Variants in NPHP4 observed in about 807,000 individuals in gnomAD.
NPHP4 encodes nephrocystin 4.
NPHP4 carries 151 observed loss-of-function variants against 155.8 expected under a neutral mutation model. The ratio of observed to expected loss-of-function variants is 0.97; its 90% CI spans 0.85 to 1.11. The LOEUF (loss-of-function observed/expected upper bound fraction) is 1.11. NPHP4 is among the 50% of genes least tolerant of loss of function. The pLI, the probability that NPHP4 is intolerant of heterozygous loss-of-function variation, is 0.00. For synonymous variants in NPHP4, 845 were observed against 816.8 expected, an observed-to-expected ratio of 1.03 and a Z score of -0.59; for missense variants, 1,956 against 1,925.7, an observed-to-expected ratio of 1.02 and a Z score of -0.29.
At position 5,877,303 on chromosome 1, in the gene NPHP4, G is replaced by GA; in HGVS notation, c.2612-6dup. ...GTGCTTGCACCACGTGTTTTCCTGC[G>GA]AAAGGGTCAGAGCGCGAGTCAGGTA... is the stretch of plus-strand genomic sequence containing the variant. On this transcript the variant is annotated splice_polypyrimidine_tract_variant and splice_region_variant and intron_variant, in intron 19 of 29. Transcript: ENST00000378156. The GA allele has an allele frequency of 1.3e-6, 2 of 1,586,120 alleles. No individual in the cohort carries two copies. The highest frequency in any genetic ancestry group is 1.7e-6 in the Non-Finnish European group (2 of 1,159,728).
chr1:5,930,928 C>T (rs1374208423), intron 10 of NPHP4, among the ~76,000 whole-genome samples: 1 of 152,118 alleles, frequency 6.6e-6, no homozygotes, highest in Non-Finnish European at 1.5e-5. Flanking sequence ...TCAGTTTTTG[C>T]TTCATGTATT....
In NPHP4 at chr1:5,863,923, C is replaced by T. The variant is rs200569946; in HGVS notation, c.4107G>A (p.Pro1369=). 84 of 1,613,970 alleles carry T rather than the reference C, an allele frequency of 5.2e-5. No homozygotes were observed. In the African/African-American group the frequency reaches 6.7e-4, roughly 13 times the overall value. The change falls in exon 29 of 30, where the codon CCG becomes CCA. Residue 1369 remains proline, a synonymous_variant. Coordinates refer to ENST00000378156, the MANE Select transcript of NPHP4 (RefSeq NM_015102.5). Reference sequence around the variant, plus strand: ...AGTCCTCTCTGAACCGCAGCAGCTCCGGGTGGTCGCTGTGCAGGTGGAATG... The same window carrying T: ...AGTCCTCTCTGAACCGCAGCAGCTCTGGGTGGTCGCTGTGCAGGTGGAATG... ...RRTFHLHSDH[P]ELLRFREDSF...
At chr1:5,869,095 A>C (rs971847999) in intron 23 of NPHP4, among the ~76,000 whole-genome samples, 14 of 143,698 alleles carry the variant, frequency 9.7e-5, no homozygotes, top group African/African-American at 2.6e-4. Flanking sequence ...CCACACATGC[A>C]CACATGCATG....
intron 16 of NPHP4, among the ~76,000 whole-genome samples, chr1:5,904,202 C>G (rs1387418955): frequency 6.6e-6 from 1 of 152,106 alleles, no homozygotes; most frequent in Non-Finnish European, 1.5e-5. Context: ...CCAGTATGGA[C>G]CTTATTTCTG....
intron 5 of NPHP4, among the ~76,000 whole-genome samples, chr1:5,964,692 T>C (rs1264880750): frequency 6.6e-6 from 1 of 151,568 alleles, no homozygotes; most frequent in Non-Finnish European, 1.5e-5. Flanking sequence ...AAAACCTGAC[T>C]ACCTTTTCCA....
At chr1:5,902,343 G>A (rs1045630502) in intron 16 of NPHP4, among the ~76,000 whole-genome samples, 17 of 152,180 alleles carry the variant, frequency 1.1e-4, no homozygotes, top group African/African-American at 3.9e-4. Context: ...CTGCATCAAA[G>A]GCCATCCACA....
rs756672859 is a variant in NPHP4 at position 5,877,159 on chromosome 1, C to T, written c.2751G>A (p.Glu917=). 2 of 1,605,408 alleles carry T rather than the reference C, an allele frequency of 1.2e-6. No individual in the cohort carries two copies. Among genetic ancestry groups the T allele is most frequent in the Non-Finnish European group, 1.7e-6 (2 of 1,174,374 alleles). ...CCTGCAGGCGCACAGACCTCATCCG[C>T]TCCAGCTTACGCCTGCGGGTGGCAT... ...ESDATRRRKL[E]RMRSVRLQEA... Residue 917 remains glutamate (E), a synonymous_variant, in exon 20 of 30, where the codon GAG becomes GAA. Coordinates refer to ENST00000378156, the MANE Select transcript of NPHP4 (RefSeq NM_015102.5).
In NPHP4 at chr1:5,879,344, A is replaced by G. The variant is rs1249570502; in HGVS notation, c.2611+770T>C. 8 of 351,476 alleles carry G rather than the reference A, an allele frequency of 2.3e-5. 1 individual carries two copies. Among genetic ancestry groups the G allele is most frequent in the African/African-American group, 1.7e-4 (8 of 46,722 alleles). The allele number at this position is 351,476 out of a possible 1,614,324, so 21.8% of individuals were successfully genotyped here. On this transcript the variant is annotated intron_variant, in intron 19 of 29. Transcript: ENST00000378156. Reference sequence around the variant, plus strand: ...TTTATACTCAGGTCTGTGAGGCCTTACATTTTAAGGGGATAGAAAAACTTC... The same window carrying G: ...TTTATACTCAGGTCTGTGAGGCCTTGCATTTTAAGGGGATAGAAAAACTTC...
At chr1:5,894,183 C>G (rs1644281327) in intron 16 of NPHP4, among the ~76,000 whole-genome samples, 1 of 152,218 alleles carries the variant, frequency 6.6e-6, no homozygotes, top group South Asian at 2.1e-4. Flanking sequence ...CCACAAAAAA[C>G]TGCACTCCAT....
rs1641289893 is a variant in NPHP4, at chr1:5,866,907, G to A, written c.3558+123C>T. The A allele has an allele frequency of 5.3e-6, 4 of 754,980 alleles. No individual in the cohort carries two copies. The South Asian group carries it at 6.2e-5, about 12-fold the overall frequency. The allele number at this position is 754,980 out of a possible 1,614,324, so 46.8% of individuals were successfully genotyped here. A position where few individuals can be genotyped will look rare whatever the true frequency, so the allele number is the denominator to read the frequency against. On this transcript the variant is annotated intron_variant, in intron 25 of 29. Transcript: ENST00000378156. Reference sequence around the variant, plus strand: ...TCAAAATAGCCCTTTAGTACCTTGGGAAAGAAACCACTTAGCAGAAAACCT... The same window carrying A: ...TCAAAATAGCCCTTTAGTACCTTGGAAAAGAAACCACTTAGCAGAAAACCT...
intron 11 of NPHP4, among the ~76,000 whole-genome samples, chr1:5,925,612 T>G (rs1164941123): frequency 1.3e-5 from 2 of 152,016 alleles, no homozygotes; most frequent in Non-Finnish European, 2.9e-5. Flanking sequence ...GGTTTTTTTT[T>G]GTTTGTTTTG....
intron 1 of NPHP4, among the ~76,000 whole-genome samples, chr1:5,989,229 A>T (rs1370323213): frequency 1.3e-5 from 2 of 152,086 alleles, no homozygotes; most frequent in Non-Finnish European, 2.9e-5. Context: ...GGGAGAGCCG[A>T]CTTTGGACTT....
At chr1:5,974,151 T>C (rs1479984263) in intron 3 of NPHP4, among the ~76,000 whole-genome samples, 2 of 152,336 alleles carry the variant, frequency 1.3e-5, no homozygotes, top group African/African-American at 4.8e-5. Flanking sequence ...CTCATTGCTC[T>C]GACGAGTAAG....
At chr1:5,981,584 G>A (rs1320882910) in intron 2 of NPHP4, among the ~76,000 whole-genome samples, 1 of 152,146 alleles carries the variant, frequency 6.6e-6, no homozygotes, top group Non-Finnish European at 1.5e-5. Flanking sequence ...CTTTCACAGG[G>A]AAGCAAGCTT....
chr1:5,978,290 A>G lies in NPHP4; in HGVS notation c.259T>C (p.Ser87Pro). ...TTVKPTKRPP[S>P]RIVFNEPLYF... ...CCCACCTCATTAAAGACGATCCTGG[A>G]CGGCGGTCTCTTCGTCGGCTTCACT... The change falls in exon 3 of 30, where the codon TCC becomes CCC. Residue 87 changes from serine (S) to proline (P), a missense_variant. Physicochemically the swap from Ser to Pro is moderately conservative, Grantham distance 74. Transcript: ENST00000378156. 6.2e-7 allele frequency: 1 copy of G among 1,608,074 alleles called. No individual in the cohort carries two copies. Among genetic ancestry groups the G allele is most frequent in the Non-Finnish European group, 8.5e-7 (1 of 1,177,580 alleles).
intron 5 of NPHP4, among the ~76,000 whole-genome samples, chr1:5,964,942 T>TATATATA (rs1553194795): frequency 2.2e-5 from 1 of 44,512 alleles, no homozygotes; most frequent in African/African-American, 1.2e-4. Context: ...TATATATATA[T>TATATATA]TTTTTTTTTT....
At chr1:5,864,821 G>T in intron 27 of NPHP4, 1 of 539,982 alleles carries the variant, frequency 1.9e-6, no homozygotes. Context: ...CTCCCACCCC[G>T]TCTAACTGTG....
intron 6 of NPHP4, among the ~76,000 whole-genome samples, chr1:5,953,410 C>T (rs889039615): frequency 6.6e-6 from 1 of 152,170 alleles, no homozygotes; most frequent in African/African-American, 2.4e-5. Context: ...GGCCCAGGAA[C>T]AGTTTTTATA....
intron 22 of NPHP4, chr1:5,873,693 C>T (rs139761372): frequency 7.5e-4 from 272 of 363,458 alleles, no homozygotes; most frequent in African/African-American, 5.4e-3. Flanking sequence ...GAGAGCTGAC[C>T]CCAAAAGGTC....
Sources: gnomAD v4.1 joint callset for allele counts (sites outside exome capture counted in the v4.1 genomes callset) on GRCh38, gnomAD v4.1.1 for gene constraint, MANE v1.5 for transcripts, NCBI Gene and HGNC (gene_info 2026-07-23, HGNC 2026-07-21) for gene names.